CTNNA3: variants seen among roughly 807,000 people sequenced by gnomAD.
CTNNA3 encodes the protein catenin alpha 3, also known as catenin alpha-3.
In CTNNA3, 76 loss-of-function variants were observed where a neutral mutation model predicts 95.7. The observed-to-expected ratio is 0.79, with a 90% confidence interval of 0.66 to 0.96. CTNNA3 has a LOEUF of 0.96. CTNNA3 is among the 40% of genes least tolerant of loss of function. The pLI, the probability that CTNNA3 is intolerant of heterozygous loss-of-function variation, is 0.00. For synonymous variants in CTNNA3, 431 were observed against 374.4 expected, an observed-to-expected ratio of 1.15 and a Z score of -1.74; for missense variants, 1,191 against 1,089.8, an observed-to-expected ratio of 1.09 and a Z score of -1.31.
intron 9 of CTNNA3, among the ~76,000 whole-genome samples, chr10:66,646,615 G>C (rs1845717097): frequency 6.6e-6 from 1 of 152,084 alleles, no homozygotes; most frequent in African/African-American, 2.4e-5. Context: ...ACTCTAAATT[G>C]CCAGGCAAGA....
At chr10:66,525,449 AAGG>A (rs1841221114) in intron 10 of CTNNA3, among the ~76,000 whole-genome samples, 1 of 152,132 alleles carries the variant, frequency 6.6e-6, no homozygotes, top group Non-Finnish European at 1.5e-5. Flanking sequence ...CCAAGTTATT[AAGG>A]AGAAGTTGTC....
chr10:66,442,613 A>G (rs2093383244), intron 11 of CTNNA3, among the ~76,000 whole-genome samples: 1 of 152,196 alleles, frequency 6.6e-6, no homozygotes, highest in Non-Finnish European at 1.5e-5. Flanking sequence ...GAAAAAAAAT[A>G]GCTTTATTCC....
chr10:67,278,684 C>A (rs1254155011), intron 5 of CTNNA3, among the ~76,000 whole-genome samples: 1 of 151,960 alleles, frequency 6.6e-6, no homozygotes, highest in Admixed American at 6.6e-5. Context: ...CCTCCTGGAT[C>A]TAGAAAGAAA....
intron 5 of CTNNA3, among the ~76,000 whole-genome samples, chr10:67,475,818 A>T (rs981109055): frequency 3.3e-5 from 5 of 152,204 alleles, no homozygotes; most frequent in African/African-American, 1.2e-4. Context: ...GGATTTTCAA[A>T]GATCAGAAGA....
At chr10:66,428,058 A>T (rs543994282) in intron 11 of CTNNA3, among the ~76,000 whole-genome samples, 17 of 152,166 alleles carry the variant, frequency 1.1e-4, no homozygotes, top group Non-Finnish European at 2.4e-4. Flanking sequence ...ATGGAGGAAG[A>T]TCTATCAAGC....
At chr10:66,010,055 A>G (rs2078974380) in intron 15 of CTNNA3, among the ~76,000 whole-genome samples, 1 of 152,200 alleles carries the variant, frequency 6.6e-6, no homozygotes, top group African/African-American at 2.4e-5. Flanking sequence ...AAAGGTATTC[A>G]TTTTTTTGAA....
intron 7 of CTNNA3, among the ~76,000 whole-genome samples, chr10:66,825,878 C>T (rs1170408338): frequency 6.6e-6 from 1 of 152,158 alleles, no homozygotes; most frequent in East Asian, 1.9e-4. Context: ...TCAAGCTCCC[C>T]AGGCCCTAAG....
intron 7 of CTNNA3, among the ~76,000 whole-genome samples, chr10:66,964,376 T>C (rs1024187379): frequency 6.6e-6 from 1 of 152,156 alleles, no homozygotes; most frequent in Non-Finnish European, 1.5e-5. Context: ...CTACCTTGTT[T>C]CTCTCATACT....
intron 11 of CTNNA3, among the ~76,000 whole-genome samples, chr10:66,384,663 T>G (rs569205546): frequency 3.2e-4 from 49 of 152,290 alleles, no homozygotes; most frequent in African/African-American, 1.1e-3. Context: ...ACATCGCATT[T>G]ATTCTAAAAT....
intron 7 of CTNNA3, among the ~76,000 whole-genome samples, chr10:66,802,239 T>G (rs544831754): frequency 6.6e-6 from 1 of 151,736 alleles, no homozygotes; most frequent in African/African-American, 2.4e-5. Context: ...TATAGAAAGA[T>G]AAGAATATGA....
chr10:67,465,912 T>C (rs577687206), intron 5 of CTNNA3, among the ~76,000 whole-genome samples: 1 of 152,312 alleles, frequency 6.6e-6, no homozygotes, highest in African/African-American at 2.4e-5. Context: ...CCCAAAGTCA[T>C]ATTTTTGTTT....
chr10:66,399,398 A>C (rs2093003059), intron 11 of CTNNA3, among the ~76,000 whole-genome samples: 1 of 151,908 alleles, frequency 6.6e-6, no homozygotes, highest in Non-Finnish European at 1.5e-5. Flanking sequence ...ACCACAAGAG[A>C]TATATAATAT....
chr10:67,594,480 G>T (rs1022611753), intron 3 of CTNNA3, among the ~76,000 whole-genome samples: 2 of 151,952 alleles, frequency 1.3e-5, no homozygotes, highest in East Asian at 1.9e-4. Context: ...GTTCATTCTT[G>T]GGAGCTTGTA....
intron 5 of CTNNA3, among the ~76,000 whole-genome samples, chr10:67,250,604 T>C (rs1866071162): frequency 6.6e-6 from 1 of 152,206 alleles, no homozygotes; most frequent in East Asian, 1.9e-4. Flanking sequence ...CTGGAACTCA[T>C]CCCTCATGTA....
chr10:67,528,310 C>T (rs1390813570), intron 4 of CTNNA3, among the ~76,000 whole-genome samples: 1 of 151,834 alleles, frequency 6.6e-6, no homozygotes, highest in African/African-American at 2.4e-5. Flanking sequence ...TTTGTGAAGT[C>T]CCCTCATCAT....
intron 5 of CTNNA3, among the ~76,000 whole-genome samples, chr10:67,458,561 G>A (rs542010427): frequency 6.6e-6 from 1 of 151,952 alleles, no homozygotes; most frequent in Non-Finnish European, 1.5e-5. Context: ...AATCTCAAGG[G>A]AACAGAGAAA....
chr10:67,483,506 C>G (rs1203186483), intron 5 of CTNNA3, among the ~76,000 whole-genome samples: 13 of 151,156 alleles, frequency 8.6e-5, no homozygotes, highest in African/African-American at 3.2e-4. Flanking sequence ...TCTCAGTAAA[C>G]TATCACAAGG....
intron 7 of CTNNA3, among the ~76,000 whole-genome samples, chr10:66,781,816 A>C (rs567066302): frequency 6.6e-6 from 1 of 152,142 alleles, no homozygotes; most frequent in African/African-American, 2.4e-5. Flanking sequence ...AGTACTTTAC[A>C]CGTACTGTCT....
chr10:67,758,791 G>A (rs896200085), intron 1 of CTNNA3, among the ~76,000 whole-genome samples: 2 of 151,994 alleles, frequency 1.3e-5, no homozygotes, highest in Admixed American at 6.6e-5. Context: ...AATAGATTAA[G>A]ATGTCTTTGG....
Sources: gnomAD v4.1 joint callset for allele counts (sites outside exome capture counted in the v4.1 genomes callset) on GRCh38, gnomAD v4.1.1 for gene constraint, MANE v1.5 for transcripts, NCBI Gene and HGNC (gene_info 2026-07-23, HGNC 2026-07-21) for gene names.